The following THBS2 variants were observed in gnomAD, a reference collection of about 807,000 sequenced individuals.
THBS2 encodes thrombospondin 2, also known as thrombospondin-2.
Under a neutral mutation model 135.2 loss-of-function variants are expected in THBS2, and 47 were observed. The observed-to-expected ratio is 0.35, with a 90% CI of 0.28 to 0.44. The LOEUF is 0.44. Ranked by LOEUF, THBS2 falls within the 20% of genes least tolerant of loss-of-function variation. THBS2 has a pLI of 1.00. For synonymous variants in THBS2, 639 were observed against 633.8 expected (o/e 1.01, Z -0.12); for missense variants, 1,288 against 1,603.1 (o/e 0.80, Z 3.36).
At chr6:169,225,120 G>A (rs748652312) in intron 17 of THBS2, 25 bp downstream of exon 17, 7 of 1,608,470 alleles carry the variant, frequency 4.4e-6, no homozygotes, top group East Asian at 2.2e-5. Context: ...TTTCCTCCAC[G>A]CCCATGAGCT....
intron 3 of THBS2, 93 bp downstream of exon 3, chr6:169,248,324 T>C: frequency 7.0e-7 from 1 of 1,433,482 alleles, no homozygotes; most frequent in South Asian, 1.3e-5. Context: ...AGGCTCTGCC[T>C]GCTCAAGCAT....
At chr6:169,232,224 A>C in intron 12 of THBS2, 26 bp from the exon 13 acceptor site, 1 of 1,610,386 alleles carries the variant, frequency 6.2e-7, no homozygotes. Context: ...CTGCGGGGTT[A>C]GCGACAGGCA....
intron 9 of THBS2, among the ~76,000 whole-genome samples, chr6:169,236,625 A>C (rs1780094560): frequency 9.8e-6 from 1 of 102,290 alleles, no homozygotes; most frequent in Admixed American, 1.1e-4. Flanking sequence ...CGCCATCCAC[A>C]CTCACTCCCA....
intron 14 of THBS2, among the ~76,000 whole-genome samples, chr6:169,228,696 G>C (rs1291127377): frequency 1.3e-5 from 2 of 152,208 alleles, no homozygotes; most frequent in African/African-American, 4.8e-5. Flanking sequence ...GGCCAAGGCA[G>C]GCGGGTCACC....
rs1437316417 is a variant in THBS2 at position 169,236,474 on chromosome 6, C to G, written c.1477+696G>C. Among the ~76,000 whole-genome samples, 2 of 86,870 alleles carry G rather than the reference C, an allele frequency of 2.3e-5. 1 individual carries two copies. The highest frequency in any genetic ancestry group is 7.4e-5 in the African/African-American group (2 of 27,202). 57.0% of individuals were successfully genotyped at this position (86,870 alleles called of 152,430 possible). A position where few individuals can be genotyped will look rare whatever the true frequency, so the allele number is the denominator to read the frequency against. ...CCCGTAAACACCATCCACACTCACT[C>G]CCCATCCACACTCACTCTCCACATT... On this transcript the variant is annotated intron_variant, in intron 9 of 21. Coordinates refer to ENST00000617924, the MANE Select transcript of THBS2 (RefSeq NM_003247.5).
chr6:169,219,656 T>A, intron 21 of THBS2: 2 of 411,928 alleles, frequency 4.9e-6, no homozygotes, highest in Non-Finnish European at 9.7e-6. Flanking sequence ...AACACATGAT[T>A]TTCAATGTGT....
At chr6:169,221,154 A>T (rs111275182) in intron 20 of THBS2, among the ~76,000 whole-genome samples, 5 of 152,356 alleles carry the variant, frequency 3.3e-5, no homozygotes, top group African/African-American at 1.2e-4. Flanking sequence ...TTTTAATTGC[A>T]GGTGTTCTCC....
intron 4 of THBS2, among the ~76,000 whole-genome samples, chr6:169,245,227 A>G (rs1343596952): frequency 1.3e-5 from 2 of 152,054 alleles, no homozygotes; most frequent in East Asian, 3.9e-4. Context: ...GCAGCCACAC[A>G]GCACTCCCTT....
At chr6:169,247,124 G>A (rs1160475407) in intron 3 of THBS2, among the ~76,000 whole-genome samples, 1 of 152,190 alleles carries the variant, frequency 6.6e-6, no homozygotes, top group East Asian at 1.9e-4. Context: ...CATTTGAATA[G>A]GGTTGATTCC....
intron 10 of THBS2, 104 bp downstream of exon 10, chr6:169,234,630 G>A: frequency 8.3e-7 from 1 of 1,201,300 alleles, no homozygotes; most frequent in Admixed American, 3.2e-5. Context: ...AACTAAAATT[G>A]ATTTTTCTTT....
In THBS2 at chr6:169,237,786, C is replaced by A. The variant is rs1278774343; in HGVS notation, c.1139G>T (p.Gly380Val). The A allele has an allele frequency of 4.3e-6, 7 of 1,609,450 alleles. No homozygotes were observed. Among genetic ancestry groups the A allele is most frequent in the Non-Finnish European group, 5.9e-6 (7 of 1,179,278 alleles). ...TGCCCACGGAGACCAGCCCTCCTCA[C>A]CGTCCACCGCTGCCAGAGGAAGCAA... is the stretch of plus-strand genomic sequence containing the variant. ...CCPSCLHSVD[G>V]EEGWSPWAEW... The change falls in exon 8 of 22, where the codon GGT becomes GTT. Residue 380 changes from glycine (G) to valine (V), a missense_variant. Gly to Val is a moderately radical substitution (Grantham distance 109, BLOSUM62 -3). Around this residue, in one of 2 missense-constraint regions of THBS2, gnomAD observed 874 missense variants for 1,156.1 expected, o/e 0.76. Coordinates refer to ENST00000617924, the MANE Select transcript of THBS2 (RefSeq NM_003247.5).
chr6:169,238,117 C>T (rs12183800), intron 7 of THBS2, among the ~76,000 whole-genome samples: 64,179 of 152,090 alleles, frequency 0.42, 13,900 homozygotes, highest in Middle Eastern at 0.48. Context: ...TATAAAATAG[C>T]TTGCCAAAGA....
intron 9 of THBS2, among the ~76,000 whole-genome samples, chr6:169,236,337 A>C: frequency 2.3e-5 from 1 of 42,642 alleles, no homozygotes; most frequent in Non-Finnish European, 4.6e-5. Flanking sequence ...CCCCATCCAC[A>C]CTCACTCCCC....
At chr6:169,231,852 A>C in intron 13 of THBS2, 128 bp downstream of exon 13, 1 of 901,312 alleles carries the variant, frequency 1.1e-6, no homozygotes, top group Non-Finnish European at 1.6e-6. Context: ...TGATCAGGCA[A>C]GAGGCCTGAG....
At position 169,216,355 on chromosome 6, in the gene THBS2, T is replaced by G. The variant is rs1326733492; in HGVS notation, c.*1467A>C. On this transcript the variant is annotated 3_prime_UTR_variant, in exon 22 of 22. Transcript: ENST00000617924. The stretch of plus-strand genomic sequence containing the variant: ...GACAGACTTCTCTTACTAAACCCCT[T>G]ATGTGGAGTGGGATGAGTGACTATT... 2 of 152,098 alleles carry G rather than the reference T, an allele frequency of 1.3e-5. No individual in the cohort carries two copies. Among genetic ancestry groups the G allele is most frequent in the African/African-American group, 4.8e-5 (2 of 41,392 alleles). The allele number at this position is 152,098 out of a possible 1,614,324, so 9.4% of individuals were successfully genotyped here.
In THBS2 at chr6:169,246,284, G is replaced by A; in HGVS notation, c.610-3C>T. 1 of 1,612,746 alleles carries A rather than the reference G, an allele frequency of 6.2e-7. No homozygotes were observed. ...AGGTGGACGTTCTGAAGCAAACCCT[G>A]TAAGTATACACAAGCAGAAAAATAG... On this transcript the variant is annotated splice_polypyrimidine_tract_variant and splice_region_variant and intron_variant, in intron 3 of 21. Transcript: ENST00000617924.
At chr6:169,246,405 G>T in intron 3 of THBS2, 124 bp from the exon 4 acceptor site, 1 of 781,190 alleles carries the variant, frequency 1.3e-6, no homozygotes, top group Non-Finnish European at 2.1e-6. Flanking sequence ...TTCCTTCTAC[G>T]TAGCAGGTTT....
intron 19 of THBS2, among the ~76,000 whole-genome samples, 172 bp downstream of exon 19, chr6:169,222,025 T>C (rs369306327): frequency 1.2e-4 from 18 of 152,350 alleles, no homozygotes; most frequent in African/African-American, 4.3e-4. Context: ...TGTGTTGAGT[T>C]GTAACCCCAG....
chr6:169,220,377 C>T (rs1325446056), intron 20 of THBS2, 40 bp from the exon 21 acceptor site: 3 of 1,592,010 alleles, frequency 1.9e-6, no homozygotes, highest in Admixed American at 3.5e-5. Context: ...GAAAGAAAGA[C>T]AACATGAACT....
Sources: allele counts gnomAD v4.1 joint callset (sites outside exome capture counted in the v4.1 genomes callset), GRCh38; gene constraint gnomAD v4.1.1; regional missense constraint gnomAD v4.1.1; transcripts MANE v1.5; gene names NCBI Gene and HGNC (gene_info 2026-07-23, HGNC 2026-07-21).